The following PCBP3 variants were observed in gnomAD, a reference collection of about 807,000 sequenced individuals.
The protein encoded by PCBP3 is poly(rC)-binding protein 3.
Under a neutral mutation model 52.7 loss-of-function variants are expected in PCBP3, and 25 were observed. The ratio of observed to expected loss-of-function variants is 0.47; its 90% CI spans 0.35 to 0.66. PCBP3 has a LOEUF of 0.66. Among genes scored for constraint, PCBP3 ranks in the 30% least tolerant of loss-of-function variants. The pLI, the probability that PCBP3 is intolerant of heterozygous loss-of-function variation, is 0.01. For missense variants in PCBP3, 391 were observed against 490.3 expected, an observed-to-expected ratio of 0.80 and a Z score of 1.91; for synonymous variants, 162 against 183.0, an observed-to-expected ratio of 0.89 and a Z score of 0.93.
chr21:45,865,395 C>T (rs977131995), intron 5 of PCBP3, among the ~76,000 whole-genome samples: 4 of 152,332 alleles, frequency 2.6e-5, no homozygotes, highest in Non-Finnish European at 4.4e-5. Context: ...CCTGCGCGGC[C>T]GGTGCTACTG....
chr21:45,888,607 C>T (rs1393509467), intron 5 of PCBP3, among the ~76,000 whole-genome samples: 1 of 152,250 alleles, frequency 6.6e-6, no homozygotes, highest in African/African-American at 2.4e-5. Flanking sequence ...CGTGATACCA[C>T]AGGCAGCTTT....
At chr21:45,919,580 C>G (rs1270219144) in intron 13 of PCBP3, 1 of 152,172 alleles carries the variant, frequency 6.6e-6, no homozygotes, top group Non-Finnish European at 1.5e-5. Context: ...GGTAGAGAAA[C>G]GCTGATCAAG....
intron 2 of PCBP3, among the ~76,000 whole-genome samples, chr21:45,709,141 C>T (rs774805690): frequency 1.3e-5 from 2 of 152,214 alleles, no homozygotes; most frequent in Non-Finnish European, 2.9e-5. Context: ...AGAGGAAGTG[C>T]CTGGCATGCT....
chr21:45,645,356 G>C (rs1015620800), intron 1 of PCBP3, among the ~76,000 whole-genome samples: 4 of 152,038 alleles, frequency 2.6e-5, no homozygotes, highest in Non-Finnish European at 5.9e-5. Context: ...ATAAGGTTTT[G>C]AAAAAGTTTT....
rs1314653479 is a variant in PCBP3 at position 45,853,110 on chromosome 21, G to A, written c.10+3015G>A. 2.0e-5 allele frequency among the ~76,000 whole-genome samples: 3 copies of A among 152,200 alleles called. No homozygotes were observed. Among genetic ancestry groups the A allele is most frequent in the African/African-American group, 7.2e-5 (3 of 41,454 alleles). ...GTGCACATGCCGCTGGCCAGAGGGG[G>A]TGGGCTGGCATGTCTTCTCTGGAGC... On this transcript the variant is annotated intron_variant, in intron 5 of 17. Coordinates refer to ENST00000681687, the MANE Select transcript of PCBP3 (RefSeq NM_001384156.1). The surrounding 1 kb of genome is among the most constrained non-coding windows in gnomAD (Gnocchi z 4.6).
At chr21:45,723,191 G>T (rs1282243939) in intron 2 of PCBP3, among the ~76,000 whole-genome samples, 1 of 152,170 alleles carries the variant, frequency 6.6e-6, no homozygotes, top group African/African-American at 2.4e-5. Flanking sequence ...GCAACCAGGG[G>T]ACACATAGGC....
intron 4 of PCBP3, among the ~76,000 whole-genome samples, chr21:45,767,826 A>G (rs1003565105): frequency 4.6e-4 from 70 of 152,308 alleles, no homozygotes; most frequent in African/African-American, 1.5e-3. Context: ...GGTGCCCTAG[A>G]GGGCACTGAC....
chr21:45,688,264 A>G (rs1050724870), intron 2 of PCBP3, among the ~76,000 whole-genome samples: 1 of 152,240 alleles, frequency 6.6e-6, no homozygotes, highest in African/African-American at 2.4e-5. Flanking sequence ...ATGCCAGCCA[A>G]CAACTGAAGA....
intron 2 of PCBP3, among the ~76,000 whole-genome samples, chr21:45,696,595 A>G (rs2082792120): frequency 6.6e-6 from 1 of 152,146 alleles, no homozygotes. Flanking sequence ...GATCGAGACC[A>G]TCCTGGCCAA....
intron 5 of PCBP3, among the ~76,000 whole-genome samples, chr21:45,886,267 A>G (rs58560667): frequency 8.7e-5 from 4 of 45,928 alleles, no homozygotes; most frequent in Admixed American, 2.2e-4. Flanking sequence ...AGGAGGCCTC[A>G]TTGCCGCGGG....
chr21:45,684,296 T>C (rs2082028497), intron 2 of PCBP3, among the ~76,000 whole-genome samples: 1 of 152,122 alleles, frequency 6.6e-6, no homozygotes, highest in Non-Finnish European at 1.5e-5. Flanking sequence ...AAGAGGGTAT[T>C]AAGTATGAAA....
At chr21:45,882,045 G>T (rs2095417229) in intron 5 of PCBP3, among the ~76,000 whole-genome samples, 1 of 152,110 alleles carries the variant, frequency 6.6e-6, no homozygotes, top group Non-Finnish European at 1.5e-5. Flanking sequence ...TTGGGTATAT[G>T]CCCTGAAGTG....
At position 45,804,781 on chromosome 21, in the gene PCBP3, C is replaced by T. The variant is rs115224839; in HGVS notation, c.-125-45180C>T. Among the ~76,000 whole-genome samples, 693 of 152,192 alleles carry T rather than the reference C, an allele frequency of 4.6e-3. 3 individuals carry two copies. The highest frequency in any genetic ancestry group is 0.016 in the African/African-American group (645 of 41,540). ...TCTGAAACCTCCTGTGTGTGAATGA[C>T]GGTTTTCACCTTGGGCCTGTCCTTC... On this transcript the variant is annotated intron_variant, in intron 4 of 17. Coordinates refer to ENST00000681687, the MANE Select transcript of PCBP3 (RefSeq NM_001384156.1).
intron 5 of PCBP3, chr21:45,871,020 C>T (rs117193280): frequency 8.5e-4 from 147 of 172,126 alleles, no homozygotes; most frequent in Non-Finnish European, 1.6e-3. Context: ...GCCCAGCACC[C>T]GCTGGGGAAG....
chr21:45,786,515 T>C (rs1416637573), intron 4 of PCBP3, among the ~76,000 whole-genome samples: 1 of 152,198 alleles, frequency 6.6e-6, no homozygotes, highest in African/African-American at 2.4e-5. Flanking sequence ...GGTCTCGAAC[T>C]CCTGATCTCG....
At chr21:45,935,740 G>A (rs2076828431) in intron 16 of PCBP3, among the ~76,000 whole-genome samples, 1 of 149,946 alleles carries the variant, frequency 6.7e-6, no homozygotes, top group African/African-American at 2.4e-5. Context: ...GGCTCCAACA[G>A]ACTTGAAGCT....
At position 45,800,901 on chromosome 21, in the gene PCBP3, C is replaced by T. The variant is rs1338255144; in HGVS notation, c.-126+45449C>T. Among the ~76,000 whole-genome samples the T allele has an allele frequency of 6.7e-6, 1 of 148,680 alleles. No homozygotes were observed. Among genetic ancestry groups the T allele is most frequent in the Non-Finnish European group, 1.5e-5 (1 of 68,004 alleles). Reference sequence around the variant, plus strand: ...CCTCCAAGTGACTTTCCTTCTGCTCCCAGCCCTGCATCCTCCCAGGAGATG... The same window carrying T: ...CCTCCAAGTGACTTTCCTTCTGCTCTCAGCCCTGCATCCTCCCAGGAGATG... On this transcript the variant is annotated intron_variant, in intron 4 of 17. Coordinates refer to ENST00000681687, the MANE Select transcript of PCBP3 (RefSeq NM_001384156.1). The surrounding 1 kb of genome is among the most constrained non-coding windows in gnomAD (Gnocchi z 5.3).
rs919718018 is a variant in PCBP3 at position 45,877,432 on chromosome 21, A to G, written c.11-18776A>G. Among the ~76,000 whole-genome samples the G allele has an allele frequency of 2.6e-5, 4 of 152,154 alleles. No individual in the cohort carries two copies. The East Asian group carries it at 7.7e-4, about 29-fold the overall frequency. Reference sequence around the variant, plus strand: ...ATTCTGTTGATTTGAATATTTTTTTAAAAAAAGAGTAACTGGCAAATTTAT... The same window carrying G: ...ATTCTGTTGATTTGAATATTTTTTTGAAAAAAGAGTAACTGGCAAATTTAT... On this transcript the variant is annotated intron_variant, in intron 5 of 17. Transcript: ENST00000681687.
At chr21:45,819,582 A>G (rs1034374252) in intron 4 of PCBP3, among the ~76,000 whole-genome samples, 7 of 152,342 alleles carry the variant, frequency 4.6e-5, no homozygotes, top group African/African-American at 1.7e-4. Context: ...AGAGTGGAAA[A>G]TGGAAAGGGG....
Sources: allele counts gnomAD v4.1 joint callset (sites outside exome capture counted in the v4.1 genomes callset), GRCh38; gene constraint gnomAD v4.1.1; non-coding constraint Gnocchi (gnomAD v3.1); transcripts MANE v1.5; gene names NCBI Gene and HGNC (gene_info 2026-07-23, HGNC 2026-07-21).